Variants in TADA2A observed in about 807,000 individuals in gnomAD.
The protein encoded by TADA2A is transcriptional adaptor 2A.
TADA2A carries 38 observed loss-of-function variants against 67.4 expected under a neutral mutation model. The observed-to-expected ratio is 0.56, with a 90% CI of 0.44 to 0.74. The LOEUF is 0.74. Among genes scored for constraint, TADA2A ranks in the 30% least tolerant of loss-of-function variants. The pLI, the probability that TADA2A is intolerant of heterozygous loss-of-function variation, is 0.00. For synonymous variants in TADA2A, 192 were observed against 181.6 expected, an observed-to-expected ratio of 1.06 and a Z score of -0.46; for missense variants, 454 against 547.0, an observed-to-expected ratio of 0.83 and a Z score of 1.70.
intron 9 of TADA2A, chr17:37,461,841 G>A (rs1177288494): frequency 7.9e-6 from 3 of 381,442 alleles, no homozygotes; most frequent in Admixed American, 4.9e-5. Flanking sequence ...CATTCGTTCA[G>A]CAAATAGTCA....
rs546618652 is a variant in TADA2A, at chr17:37,436,773, A to C, written c.193-965A>C. Among the ~76,000 whole-genome samples the C allele has an allele frequency of 1.0e-3, 152 of 151,260 alleles. 3 individuals carry two copies. Among genetic ancestry groups the C allele is most frequent in the African/African-American group, 3.5e-3 (141 of 40,788 alleles). On this transcript the variant is annotated intron_variant, in intron 4 of 15. Coordinates refer to ENST00000615182, the MANE Select transcript of TADA2A (RefSeq NM_001166105.3). The stretch of plus-strand genomic sequence containing the variant: ...TACCCTGTTCTCTTTCTTCCTCCCC[A>C]TAGTAACCTTTTTTTTTTTAAAGTG...
At chr17:37,415,874 C>CAAA (rs35954525) in intron 2 of TADA2A, among the ~76,000 whole-genome samples, 20 of 105,808 alleles carry the variant, frequency 1.9e-4, no homozygotes, top group African/African-American at 5.6e-4. Context: ...AACTCCTTCT[C>CAAA]AAAAAAAAAA....
chr17:37,452,913 A>G lies in TADA2A; in HGVS notation c.605-5611A>G, dbSNP rs576048906. Among the ~76,000 whole-genome samples, 20 of 152,350 alleles carry G rather than the reference A, an allele frequency of 1.3e-4. No homozygotes were observed. The South Asian group carries it at 4.1e-3, about 32-fold the overall frequency. The stretch of plus-strand genomic sequence containing the variant: ...TTGAACTTGTTAGAAATGAACAAAA[A>G]GAATCCATGGTAGTTAATTTTTCTT... On this transcript the variant is annotated intron_variant, in intron 8 of 15. Transcript: ENST00000615182.
intron 14 of TADA2A, 25 bp downstream of exon 14, chr17:37,471,162 A>T: frequency 1.2e-6 from 2 of 1,612,706 alleles, no homozygotes; most frequent in South Asian, 2.2e-5. Context: ...GGCCAGAACA[A>T]GTCTTAATTG....
chr17:37,423,382 A>T (rs1202323201), intron 2 of TADA2A, 127 bp from the exon 3 acceptor site: 1 of 686,094 alleles, frequency 1.5e-6, no homozygotes, highest in Non-Finnish European at 2.4e-6. Flanking sequence ...TAATGAGCTC[A>T]TCTTGTCTCC....
intron 10 of TADA2A, 44 bp from the exon 11 acceptor site, chr17:37,465,387 C>T: frequency 6.9e-7 from 1 of 1,451,656 alleles, no homozygotes; most frequent in Non-Finnish European, 9.4e-7. Context: ...ACTCAGGGAT[C>T]CTTACATTTC....
intron 8 of TADA2A, among the ~76,000 whole-genome samples, chr17:37,457,296 T>C (rs552085359): frequency 2.4e-4 from 35 of 145,766 alleles, no homozygotes; most frequent in Non-Finnish European, 4.8e-4. Flanking sequence ...CTGTCCTGCC[T>C]CAGCCTCCCG....
chr17:37,427,822 G>C (rs1428550345), intron 4 of TADA2A, among the ~76,000 whole-genome samples: 1 of 151,946 alleles, frequency 6.6e-6, no homozygotes, highest in Non-Finnish European at 1.5e-5. Context: ...TCTCTATTAA[G>C]AATACAAAAA....
At chr17:37,466,633 A>C (rs971737558) in intron 11 of TADA2A, among the ~76,000 whole-genome samples, 1 of 152,116 alleles carries the variant, frequency 6.6e-6, no homozygotes, top group Non-Finnish European at 1.5e-5. Flanking sequence ...GTCCTCACCA[A>C]ACACCTTGTT....
intron 1 of TADA2A, chr17:37,408,701 C>G (rs1030323915): frequency 1.3e-5 from 2 of 152,308 alleles, no homozygotes; most frequent in Non-Finnish European, 1.5e-5. Flanking sequence ...TTGGTACCCA[C>G]GGGTACCTAG....
chr17:37,437,054 A>G (rs1286289853), intron 4 of TADA2A, among the ~76,000 whole-genome samples: 1 of 151,614 alleles, frequency 6.6e-6, no homozygotes, highest in Non-Finnish European at 1.5e-5. Context: ...AACTATTACT[A>G]CAGTTGAAGT....
At chr17:37,470,072 A>G (rs182935328) in intron 12 of TADA2A, among the ~76,000 whole-genome samples, 4 of 152,342 alleles carry the variant, frequency 2.6e-5, no homozygotes, top group Admixed American at 2.0e-4. Context: ...ACAGGAAGCA[A>G]ATATGACTAT....
At position 37,470,519 on chromosome 17, in the gene TADA2A, C is replaced by T. The variant is rs750408176; in HGVS notation, c.1015C>T (p.Arg339Trp). ...DSSACQQWLRRQADIDSGLSP... is the reference protein window; with the variant it reads ...DSSACQQWLRWQADIDSGLSP... Reference sequence around the variant, plus strand: ...TAGTGCTTGCCAGCAGTGGCTCCGCCGGCAAGCTGACATGTGAGTAATTAC... The same window carrying T: ...TAGTGCTTGCCAGCAGTGGCTCCGCTGGCAAGCTGACATGTGAGTAATTAC... The change falls in exon 13 of 16, where the codon CGG becomes TGG. Residue 339 changes from arginine (R) to tryptophan (W), a missense_variant. Coordinates refer to ENST00000615182, the MANE Select transcript of TADA2A (RefSeq NM_001166105.3). 5.6e-5 allele frequency: 88 copies of T among 1,566,932 alleles called. No homozygotes were observed. Among genetic ancestry groups the T allele is most frequent in the Non-Finnish European group, 6.7e-5 (78 of 1,160,066 alleles).
intron 8 of TADA2A, among the ~76,000 whole-genome samples, chr17:37,456,624 T>C (rs999387320): frequency 6.6e-6 from 1 of 152,214 alleles, no homozygotes; most frequent in Admixed American, 6.5e-5. Context: ...TTATCCAATA[T>C]AGGAGTTTTA....
At chr17:37,439,342 G>A (rs548340844) in intron 5 of TADA2A, among the ~76,000 whole-genome samples, 1 of 152,162 alleles carries the variant, frequency 6.6e-6, no homozygotes, top group African/African-American at 2.4e-5. Flanking sequence ...GAGTACAGGG[G>A]CATGAGCTTG....
intron 5 of TADA2A, among the ~76,000 whole-genome samples, chr17:37,439,650 C>T (rs1308456522): frequency 6.6e-6 from 1 of 152,092 alleles, no homozygotes; most frequent in Admixed American, 6.6e-5. Context: ...GAGATAGTAA[C>T]AATATCCATA....
intron 11 of TADA2A, 32 bp downstream of exon 11, chr17:37,465,573 G>T: frequency 1.2e-6 from 2 of 1,613,408 alleles, no homozygotes; most frequent in East Asian, 2.2e-5. Context: ...AGCAGTATTT[G>T]TGTGTGTATA....
rs991419577 is a variant in TADA2A at position 37,418,879 on chromosome 17, G to T, written c.26-4630G>T. On this transcript the variant is annotated intron_variant, in intron 2 of 15. Transcript: ENST00000615182. ...GCTGGGATTACAGGTATGAGCCACC[G>T]TGCCTGGCTATTTTTTCTTTTTATT... Among the ~76,000 whole-genome samples, 4 of 147,552 alleles carry T rather than the reference G, an allele frequency of 2.7e-5. No individual in the cohort carries two copies. The Admixed American group carries it at 2.7e-4, about 10-fold the overall frequency.
rs373268129 is a variant in TADA2A, at chr17:37,474,656, A to G, written c.1146+27A>G. 1.9e-4 allele frequency: 299 copies of G among 1,596,756 alleles called. No homozygotes were observed. In the African/African-American group the frequency reaches 3.5e-3, roughly 19 times the overall value. On this transcript the variant is annotated intron_variant, in intron 15 of 15. Transcript: ENST00000615182. ...TAACAAAAGGGAGGGGGCTGGGAGAAAGAGAATAGGGGCTGATTATTCATT... is the reference window on the plus strand; with the variant it reads ...TAACAAAAGGGAGGGGGCTGGGAGAGAGAGAATAGGGGCTGATTATTCATT...
Sources: gnomAD v4.1 joint callset for allele counts (sites outside exome capture counted in the v4.1 genomes callset) on GRCh38, gnomAD v4.1.1 for gene constraint, MANE v1.5 for transcripts, NCBI Gene and HGNC (gene_info 2026-07-23, HGNC 2026-07-21) for gene names.